The following FAT3 variants were observed in gnomAD, a reference collection of about 807,000 sequenced individuals.
FAT3 encodes the protein protocadherin Fat 3.
A neutral mutation model predicts 310.2 loss-of-function variants in FAT3; 95 were observed. The observed-to-expected ratio is 0.31, with a 90% CI of 0.26 to 0.36. FAT3 has a LOEUF of 0.36. Among genes scored for constraint, FAT3 ranks in the 10% least tolerant of loss-of-function variants. The pLI, the probability that FAT3 is intolerant of heterozygous loss-of-function variation, is 1.00. For synonymous variants in FAT3, 2,314 were observed against 2,192.9 expected, an observed-to-expected ratio of 1.06 and a Z score of -1.54; for missense variants, 5,408 against 5,715.6, an observed-to-expected ratio of 0.95 and a Z score of 1.74.
intron 2 of FAT3, among the ~76,000 whole-genome samples, chr11:92,362,979 C>G (rs1948920101): frequency 6.6e-6 from 1 of 152,128 alleles, no homozygotes; most frequent in South Asian, 2.1e-4. Context: ...CTCTCCACAT[C>G]TTTTCTACCA....
chr11:92,530,973 A>G (rs1417972976), intron 3 of FAT3, among the ~76,000 whole-genome samples: 1 of 150,996 alleles, frequency 6.6e-6, no homozygotes, highest in African/African-American at 2.4e-5. Context: ...GCGGAAATCT[A>G]TTGTTGTTTT....
chr11:92,799,864 C>A lies in FAT3; in HGVS notation c.6851C>A (p.Pro2284His). Residue 2284 changes from proline (P) to histidine (H), a missense_variant, in exon 10 of 28, where the codon CCC becomes CAC. Transcript: ENST00000525166. The stretch of plus-strand genomic sequence containing the variant: ...CTAGTTAATGATGTAAATGACAACC[C>A]CCCTATTTTCGATCAGCCTACATAC... ...DLLVNDVNDN[P>H]PIFDQPTYNT... The A allele has an allele frequency of 6.2e-7, 1 of 1,613,256 alleles. No homozygotes were observed. Among genetic ancestry groups the A allele is most frequent in the Non-Finnish European group, 8.5e-7 (1 of 1,179,642 alleles).
intron 3 of FAT3, among the ~76,000 whole-genome samples, chr11:92,640,805 C>T (rs1941930608): frequency 6.6e-6 from 1 of 152,168 alleles, no homozygotes; most frequent in Non-Finnish European, 1.5e-5. Context: ...AATGTTGTGT[C>T]ACTGTTTCTT....
At chr11:92,701,385 A>T (rs1278786480) in intron 4 of FAT3, among the ~76,000 whole-genome samples, 1 of 152,194 alleles carries the variant, frequency 6.6e-6, no homozygotes, top group African/African-American at 2.4e-5. Flanking sequence ...TTCAGTCTGT[A>T]GAGCATTTGC....
At chr11:92,645,226 G>C (rs1276432873) in intron 3 of FAT3, among the ~76,000 whole-genome samples, 1 of 152,180 alleles carries the variant, frequency 6.6e-6, no homozygotes, top group Non-Finnish European at 1.5e-5. Flanking sequence ...TTTGAGTTTT[G>C]TAGAAGGCTA....
At chr11:92,559,547 G>A in intron 3 of FAT3, 2 of 286,960 alleles carry the variant, frequency 7.0e-6, no homozygotes, top group South Asian at 2.9e-5. Context: ...GCCATGCCCA[G>A]CTACTTTTTT....
rs993884141 is a variant in FAT3 at position 92,896,315 on chromosome 11, G to C, written c.*5202G>C. ...CTTGTGTTCTTTTTCTAAAAAAAAA[G>C]AAAAGAAAAGAAAAAAAAAACAAAA... On this transcript the variant is annotated 3_prime_UTR_variant, in exon 28 of 28. Transcript: ENST00000525166. The C allele has an allele frequency of 1.5e-5, 1 of 66,616 alleles. No individual in the cohort carries two copies. Among genetic ancestry groups the C allele is most frequent in the Non-Finnish European group, 3.3e-5 (1 of 30,706 alleles). The allele number at this position is 66,616 out of a possible 1,614,324, so 4.1% of individuals were successfully genotyped here. A position where few individuals can be genotyped will look rare whatever the true frequency, so the allele number is the denominator to read the frequency against.
intron 3 of FAT3, among the ~76,000 whole-genome samples, chr11:92,644,578 A>G (rs1404430555): frequency 6.6e-6 from 1 of 152,174 alleles, no homozygotes; most frequent in Non-Finnish European, 1.5e-5. Flanking sequence ...CTGGAGATAG[A>G]CTTTTATGAA....
At chr11:92,889,720 A>G (rs1949873724) in intron 26 of FAT3, 136 bp from the exon 27 acceptor site, 1 of 630,800 alleles carries the variant, frequency 1.6e-6, no homozygotes, top group East Asian at 2.8e-5. Context: ...ATGGGAAGAA[A>G]TAAAAAAGGC....
At chr11:92,452,425 A>G (rs1951379876) in intron 2 of FAT3, among the ~76,000 whole-genome samples, 1 of 152,152 alleles carries the variant, frequency 6.6e-6, no homozygotes, top group Non-Finnish European at 1.5e-5. Context: ...ACCAATAGGC[A>G]ATTAGAAATT....
intron 3 of FAT3, among the ~76,000 whole-genome samples, chr11:92,534,527 C>A (rs566643): frequency 0.41 from 61,846 of 151,986 alleles, 13,027 homozygotes; most frequent in Middle Eastern, 0.54. Context: ...TTGAATTGTT[C>A]CCCAAAAAGA....
At chr11:92,261,983 C>T (rs542734260) in intron 1 of FAT3, among the ~76,000 whole-genome samples, 1 of 151,668 alleles carries the variant, frequency 6.6e-6, no homozygotes, top group Admixed American at 6.6e-5. Context: ...TACATATTTA[C>T]TCTCTCTTTT....
intron 2 of FAT3, among the ~76,000 whole-genome samples, chr11:92,409,901 G>A (rs1026744810): frequency 1.3e-4 from 20 of 152,100 alleles, no homozygotes; most frequent in African/African-American, 4.6e-4. Flanking sequence ...TCTGAATTCA[G>A]TGTAGTGGAG....
intron 2 of FAT3, among the ~76,000 whole-genome samples, chr11:92,370,626 C>A (rs184299472): frequency 1.3e-5 from 2 of 152,314 alleles, no homozygotes. Flanking sequence ...TACAATACTG[C>A]TTTAGATGCT....
intron 1 of FAT3, among the ~76,000 whole-genome samples, chr11:92,234,433 T>A (rs760906920): frequency 4.2e-4 from 64 of 152,198 alleles, no homozygotes; most frequent in Admixed American, 5.2e-4. Flanking sequence ...AACAGAAATG[T>A]CCACCTAGTT....
At chr11:92,791,564 A>C (rs796837922) in intron 8 of FAT3, among the ~76,000 whole-genome samples, 2 of 152,222 alleles carry the variant, frequency 1.3e-5, no homozygotes, top group African/African-American at 4.8e-5. Flanking sequence ...TATCACTTAC[A>C]TAATTGAATA....
intron 22 of FAT3, among the ~76,000 whole-genome samples, chr11:92,867,950 G>T (rs1949290173): frequency 6.6e-6 from 1 of 151,966 alleles, no homozygotes; most frequent in Non-Finnish European, 1.5e-5. Context: ...TCTTTTGTTT[G>T]AGGGGAAAGC....
intron 3 of FAT3, among the ~76,000 whole-genome samples, chr11:92,580,904 C>A (rs1214140321): frequency 6.6e-6 from 1 of 151,422 alleles, no homozygotes; most frequent in Non-Finnish European, 1.5e-5. Context: ...ACCAGAGTTA[C>A]AATTTAGCAG....
chr11:92,591,567 T>A (rs1330895930), intron 3 of FAT3, among the ~76,000 whole-genome samples: 1 of 152,014 alleles, frequency 6.6e-6, no homozygotes, highest in Non-Finnish European at 1.5e-5. Context: ...AATCTCCTTA[T>A]TTTACCTGTA....
Sources: gnomAD v4.1 joint callset for allele counts (sites outside exome capture counted in the v4.1 genomes callset) on GRCh38, gnomAD v4.1.1 for gene constraint, MANE v1.5 for transcripts, NCBI Gene and HGNC (gene_info 2026-07-23, HGNC 2026-07-21) for gene names.